The following ARHGEF10L variants were observed in gnomAD, a reference collection of about 807,000 sequenced individuals.
ARHGEF10L encodes rho guanine nucleotide exchange factor 10-like protein.
Under a neutral mutation model 141.2 loss-of-function variants are expected in ARHGEF10L, and 69 were observed. The observed-to-expected ratio is 0.49, with a 90% CI of 0.40 to 0.60. The LOEUF is 0.60. Ranked by LOEUF, ARHGEF10L falls within the 20% of genes least tolerant of loss-of-function variation. ARHGEF10L has a pLI of 0.00. For synonymous variants in ARHGEF10L, 711 were observed against 718.5 expected (o/e 0.99, Z 0.17); for missense variants, 1,482 against 1,734.3 (o/e 0.85, Z 2.58).
chr1:17,618,197 C>A (rs2101307183), intron 9 of ARHGEF10L: 1 of 853,510 alleles, frequency 1.2e-6, no homozygotes, highest in Non-Finnish European at 1.7e-6. Flanking sequence ...GGCCAGCTGG[C>A]TGGGAACTCT....
intron 25 of ARHGEF10L, among the ~76,000 whole-genome samples, chr1:17,660,463 C>T (rs924438483): frequency 1.3e-5 from 2 of 152,306 alleles, no homozygotes; most frequent in Admixed American, 1.3e-4. Context: ...ACGAGTGCCG[C>T]GACACAGCCT....
rs1415583829 is a variant in ARHGEF10L at position 17,644,941 on chromosome 1, A to C, written c.2273-3613A>C. Among the ~76,000 whole-genome samples, 2 of 152,180 alleles carry C rather than the reference A, an allele frequency of 1.3e-5. No individual in the cohort carries two copies. The highest frequency in any genetic ancestry group is 2.4e-5 in the African/African-American group (1 of 41,440). ...ATTTTCTACATGAGGCCACAGGCTC[A>C]GAGAGGGTAAGCACTTGGCTCCGTG... On this transcript the variant is annotated intron_variant, in intron 21 of 28. Coordinates refer to ENST00000361221, the MANE Select transcript of ARHGEF10L (RefSeq NM_018125.4). The surrounding 1 kb of genome is among the most constrained non-coding windows in gnomAD (Gnocchi z 4.5).
chr1:17,657,178 C>G (rs1367695264), intron 25 of ARHGEF10L, among the ~76,000 whole-genome samples: 2 of 152,206 alleles, frequency 1.3e-5, no homozygotes, highest in Non-Finnish European at 2.9e-5. Flanking sequence ...GTATTTCCAT[C>G]TGGGTTGTTT....
intron 23 of ARHGEF10L, among the ~76,000 whole-genome samples, chr1:17,655,453 A>ATCTG (rs2062175183): frequency 6.9e-6 from 1 of 144,294 alleles, no homozygotes; most frequent in Admixed American, 7.0e-5. Context: ...CCATCCATCC[A>ATCTG]TCCATCCATC....
chr1:17,547,759 G>A (rs868398955), intron 1 of ARHGEF10L, among the ~76,000 whole-genome samples: 2 of 152,266 alleles, frequency 1.3e-5, no homozygotes, highest in Middle Eastern at 6.8e-3. Context: ...AGAAAACACA[G>A]AGAAAATACA....
chr1:17,567,566 C>T (rs947380903), intron 1 of ARHGEF10L, among the ~76,000 whole-genome samples: 22 of 152,240 alleles, frequency 1.4e-4, no homozygotes, highest in African/African-American at 5.1e-4. Context: ...CAGGGTTTTA[C>T]CATGTTGGTC....
At chr1:17,596,059 G>A (rs536540111) in intron 4 of ARHGEF10L, among the ~76,000 whole-genome samples, 1 of 152,262 alleles carries the variant, frequency 6.6e-6, no homozygotes, top group African/African-American at 2.4e-5. Context: ...CCCCCCTCAC[G>A]CCTGGGAGCC....
intron 9 of ARHGEF10L, among the ~76,000 whole-genome samples, chr1:17,617,835 G>T (rs2059891027): frequency 6.6e-6 from 1 of 152,208 alleles, no homozygotes; most frequent in African/African-American, 2.4e-5. Context: ...GTTATTCTTG[G>T]TGGGCGGTCA....
chr1:17,525,254 A>C, the ARHGEF10L span, among the ~76,000 whole-genome samples: 1 of 151,968 alleles, frequency 6.6e-6, no homozygotes, highest in Non-Finnish European at 1.5e-5. Context: ...ATCTTAGTCT[A>C]CCCTGTCTCT....
chr1:17,679,514 G>A (rs1427105630), intron 26 of ARHGEF10L, among the ~76,000 whole-genome samples: 1 of 152,196 alleles, frequency 6.6e-6, no homozygotes, highest in Non-Finnish European at 1.5e-5. Context: ...AACCGGGTAG[G>A]ACTGGTCACC....
At chr1:17,581,309 C>CAA (rs71014975) in intron 2 of ARHGEF10L, among the ~76,000 whole-genome samples, 1,498 of 68,574 alleles carry the variant, frequency 0.022, 64 homozygotes, top group Non-Finnish European at 0.028. Flanking sequence ...AAGACTGTCT[C>CAA]AAAAAAAAAA....
chr1:17,649,260 C>G (rs918433396), intron 22 of ARHGEF10L, among the ~76,000 whole-genome samples: 1 of 152,222 alleles, frequency 6.6e-6, no homozygotes, highest in Admixed American at 6.5e-5. Flanking sequence ...AGAATTTGAA[C>G]CTTGCCCTGC....
chr1:17,551,353 C>CT (rs397733516), intron 1 of ARHGEF10L, among the ~76,000 whole-genome samples: 3 of 151,192 alleles, frequency 2.0e-5, no homozygotes, highest in South Asian at 2.1e-4. Context: ...GGAGGGACTC[C>CT]GAGGAGGCTT....
In ARHGEF10L at chr1:17,646,995, C is replaced by T. The variant is rs112879570; in HGVS notation, c.2273-1559C>T. Among the ~76,000 whole-genome samples the T allele has an allele frequency of 9.8e-3, 1,496 of 152,062 alleles. 9 individuals carry two copies. Among genetic ancestry groups the T allele is most frequent in the Non-Finnish European group, 0.016 (1,056 of 67,978 alleles). ...GTTTTAGCAGGATGGGCCTGGCTGC[C>T]GAGCAAAGATGACTGTAGTGTCAGG... is the stretch of plus-strand genomic sequence containing the variant. On this transcript the variant is annotated intron_variant, in intron 21 of 28. Coordinates refer to ENST00000361221, the MANE Select transcript of ARHGEF10L (RefSeq NM_018125.4).
the ARHGEF10L span, among the ~76,000 whole-genome samples, chr1:17,522,239 C>G: frequency 6.6e-6 from 1 of 152,318 alleles, no homozygotes. Flanking sequence ...GTCCACCCCA[C>G]CTTGCCCGTC....
At chr1:17,691,131 A>G (rs1353044728) in intron 27 of ARHGEF10L, 1 of 456,102 alleles carries the variant, frequency 2.2e-6, no homozygotes, top group Non-Finnish European at 4.4e-6. Context: ...CAGGTCATTA[A>G]TAAAATGTTC....
chr1:17,630,668 C>T (rs540300590), intron 15 of ARHGEF10L, among the ~76,000 whole-genome samples: 2 of 152,206 alleles, frequency 1.3e-5, no homozygotes, highest in Non-Finnish European at 2.9e-5. Flanking sequence ...CAGCGAGTCA[C>T]TTTACCCCTG....
rs1167125447 is a variant in ARHGEF10L, at chr1:17,639,704, G to C, written c.2172-498G>C. 1.8e-6 allele frequency: 1 copy of C among 571,224 alleles called. No homozygotes were observed. Among genetic ancestry groups the C allele is most frequent in the African/African-American group, 1.9e-5 (1 of 52,316 alleles). The allele number at this position is 571,224 out of a possible 1,614,324, so 35.4% of individuals were successfully genotyped here. A position where few individuals can be genotyped will look rare whatever the true frequency, so the allele number is the denominator to read the frequency against. ...CAACAGCAACCTCTGGTTGCCCCAAGCTGGTGCTTAACCTGATTCATTCAT... is the reference window on the plus strand; with the variant it reads ...CAACAGCAACCTCTGGTTGCCCCAACCTGGTGCTTAACCTGATTCATTCAT... On this transcript the variant is annotated intron_variant, in intron 20 of 28. Transcript: ENST00000361221. This position sits in a 1 kb window ranked among gnomAD's most constrained non-coding sequence, Gnocchi z 4.3.
At chr1:17,594,261 A>AGCGCTCT (rs2079866007) in intron 4 of ARHGEF10L, among the ~76,000 whole-genome samples, 1 of 151,958 alleles carries the variant, frequency 6.6e-6, no homozygotes, top group East Asian at 1.9e-4. Context: ...TGCATTCTAG[A>AGCGCTCT]GATGTGGGAA....
Sources: allele counts gnomAD v4.1 joint callset (sites outside exome capture counted in the v4.1 genomes callset), GRCh38; gene constraint gnomAD v4.1.1; non-coding constraint Gnocchi (gnomAD v3.1); transcripts MANE v1.5; gene names NCBI Gene and HGNC (gene_info 2026-07-23, HGNC 2026-07-21).